TMEM164: variants seen among roughly 807,000 people sequenced by gnomAD.
TMEM164 encodes the protein RP13-360B22.2.
TMEM164 carries 4 observed loss-of-function variants against 18.8 expected under a neutral mutation model. The observed-to-expected ratio is 0.21, with a 90% CI of 0.10 to 0.49. TMEM164 has a LOEUF of 0.49. Ranked by LOEUF, TMEM164 falls within the 20% of genes least tolerant of loss-of-function variation. The pLI, the probability that TMEM164 is intolerant of heterozygous loss-of-function variation, is 0.98. For synonymous variants in TMEM164, 86 were observed against 101.7 expected, an observed-to-expected ratio of 0.85 and a Z score of 0.93; for missense variants, 108 against 239.9, an observed-to-expected ratio of 0.45 and a Z score of 3.63.
intron 2 of TMEM164, among the ~76,000 whole-genome samples, chrX:110,010,953 T>C (rs1192063236): frequency 8.9e-6 from 1 of 111,871 alleles, no homozygotes; most frequent in Non-Finnish European, 1.9e-5. Context: ...TTCCAGTCTC[T>C]AAGATCTGCA....
chrX:110,157,900 T>TTGAC lies in TMEM164; in HGVS notation c.586+13027_586+13028insCTGA, dbSNP rs1324494930. On this transcript the variant is annotated intron_variant, in intron 5 of 6. Coordinates refer to ENST00000372068, the MANE Select transcript of TMEM164 (RefSeq NM_032227.4). Reference sequence around the variant, plus strand: ...GTTGGTTGATTGATTGATTGATTGATTGATGAGATGGAGTCTCATCCTGCC... The same window carrying TTGAC: ...GTTGGTTGATTGATTGATTGATTGATTGACTGATGAGATGGAGTCTCATCCTGCC... Among the ~76,000 whole-genome samples, 148 of 110,915 alleles carry TTGAC rather than the reference T, an allele frequency of 1.3e-3. 1 individual carries two copies. The highest frequency in any genetic ancestry group is 4.6e-3 in the Middle Eastern group (1 of 219).
chrX:110,099,031 C>CTTG (rs2066069955), intron 3 of TMEM164, among the ~76,000 whole-genome samples: 1 of 105,798 alleles, frequency 9.5e-6, no homozygotes, highest in South Asian at 4.3e-4. Flanking sequence ...ATCTCCTGAC[C>CTTG]TTGTGATCTG....
chrX:110,128,420 A>C (rs2066565395), intron 4 of TMEM164, among the ~76,000 whole-genome samples: 1 of 110,881 alleles, frequency 9.0e-6, no homozygotes, highest in South Asian at 3.7e-4. Context: ...CAGCCTTTTT[A>C]CTCCTTTGAA....
intron 5 of TMEM164, among the ~76,000 whole-genome samples, chrX:110,168,028 C>T (rs1463856758): frequency 8.9e-6 from 1 of 112,253 alleles, no homozygotes. Context: ...CACGGGCTTT[C>T]CTGCCACCGC....
intron 2 of TMEM164, among the ~76,000 whole-genome samples, chrX:110,011,603 G>A (rs1026184911): frequency 4.5e-5 from 5 of 112,012 alleles, no homozygotes; most frequent in Non-Finnish European, 9.4e-5. Context: ...ACTTACCCAG[G>A]GTTCAAGTAG....
intron 3 of TMEM164, among the ~76,000 whole-genome samples, chrX:110,076,762 T>C (rs1050291484): frequency 4.5e-5 from 5 of 112,326 alleles, no homozygotes; most frequent in African/African-American, 1.6e-4. Context: ...TTAATTTCCA[T>C]GTAATTGGGT....
chrX:110,053,505 A>T (rs1339424178), intron 2 of TMEM164, among the ~76,000 whole-genome samples: 1 of 111,874 alleles, frequency 8.9e-6, no homozygotes, highest in Non-Finnish European at 1.9e-5. Flanking sequence ...AAGGAGGTGT[A>T]AAAAATACTT....
chrX:110,131,160 A>C (rs1324865062), intron 4 of TMEM164, among the ~76,000 whole-genome samples: 3 of 112,009 alleles, frequency 2.7e-5, no homozygotes, highest in Middle Eastern at 4.2e-3. Context: ...TGCCAGGCCC[A>C]CTGGTTGCCT....
At chrX:110,132,862 T>A (rs1421292116) in intron 4 of TMEM164, among the ~76,000 whole-genome samples, 1 of 112,390 alleles carries the variant, frequency 8.9e-6, no homozygotes, top group Non-Finnish European at 1.9e-5. Flanking sequence ...AAGGGTGTTA[T>A]GAAGATAAAA....
chrX:110,144,159 C>A (rs1421447958), intron 4 of TMEM164, among the ~76,000 whole-genome samples: 1 of 111,830 alleles, frequency 8.9e-6, no homozygotes, highest in Non-Finnish European at 1.9e-5. Context: ...AGGGCTAATG[C>A]TGGGCTGACA....
chrX:110,181,683 T>C (rs1287001726), downstream of TMEM164, among the ~76,000 whole-genome samples: 1 of 112,929 alleles, frequency 8.9e-6, no homozygotes, highest in Non-Finnish European at 1.9e-5. Flanking sequence ...AGGTCCCGAG[T>C]GCCCTTGGCA....
chrX:110,019,358 C>G (rs991796090), intron 2 of TMEM164, among the ~76,000 whole-genome samples: 1 of 111,035 alleles, frequency 9.0e-6, no homozygotes, highest in African/African-American at 3.3e-5. Flanking sequence ...CATTTCTCTT[C>G]CTTTTCTTCT....
intron 4 of TMEM164, among the ~76,000 whole-genome samples, chrX:110,117,396 A>G (rs2066385452): frequency 8.9e-6 from 1 of 112,613 alleles, no homozygotes; most frequent in African/African-American, 3.2e-5. Flanking sequence ...TTTTTTTGTT[A>G]CAGAAATAGT....
At chrX:110,148,831 C>G (rs1479565521) in intron 5 of TMEM164, among the ~76,000 whole-genome samples, 3 of 110,412 alleles carry the variant, frequency 2.7e-5, no homozygotes, top group Middle Eastern at 4.7e-3. Flanking sequence ...TGGCCATTAG[C>G]TGAATTTTCA....
intron 5 of TMEM164, among the ~76,000 whole-genome samples, chrX:110,147,154 G>A (rs2066868408): frequency 8.9e-6 from 1 of 111,765 alleles, no homozygotes; most frequent in Admixed American, 9.4e-5. Context: ...CACAGTACAT[G>A]GGACCTCTCT....
chrX:110,121,831 A>G (rs765892596), intron 4 of TMEM164, among the ~76,000 whole-genome samples: 66 of 112,321 alleles, frequency 5.9e-4, no homozygotes, highest in African/African-American at 2.1e-3. Context: ...CAAGTTCTCA[A>G]CATCCTCACT....
chrX:110,120,348 G>A (rs1294232353), intron 4 of TMEM164, among the ~76,000 whole-genome samples: 2 of 112,380 alleles, frequency 1.8e-5, no homozygotes, highest in Admixed American at 9.5e-5. Context: ...TGCAATAGAA[G>A]CCTTATCTAG....
intron 3 of TMEM164, among the ~76,000 whole-genome samples, chrX:110,068,082 C>T (rs1410147601): frequency 1.8e-5 from 2 of 112,754 alleles, no homozygotes; most frequent in African/African-American, 6.4e-5. Context: ...TTCTCCTTCC[C>T]TGGCCCCGAT....
chrX:110,129,691 C>T (rs1178713910), intron 4 of TMEM164, among the ~76,000 whole-genome samples: 1 of 112,648 alleles, frequency 8.9e-6, no homozygotes, highest in Non-Finnish European at 1.9e-5. Context: ...TTTTCCAACA[C>T]TTTTATGGCT....
Sources: allele counts gnomAD v4.1 joint callset (sites outside exome capture counted in the v4.1 genomes callset), GRCh38; gene constraint gnomAD v4.1.1; transcripts MANE v1.5; gene names NCBI Gene and HGNC (gene_info 2026-07-23, HGNC 2026-07-21).